HS3ST3A1: variants seen among roughly 807,000 people sequenced by gnomAD.
HS3ST3A1 encodes heparan sulfate-glucosamine 3-sulfotransferase 3A1, also known as heparan sulfate glucosamine 3-O-sulfotransferase 3A1.
HS3ST3A1 carries 19 observed loss-of-function variants against 25.7 expected under a neutral mutation model. The ratio of observed to expected loss-of-function variants is 0.74; its 90% CI spans 0.52 to 1.08. HS3ST3A1 has a LOEUF of 1.08. Ranked by LOEUF, HS3ST3A1 falls within the 50% of genes least tolerant of loss-of-function variation. The pLI, the probability that HS3ST3A1 is intolerant of heterozygous loss-of-function variation, is 0.00. For missense variants in HS3ST3A1, 459 were observed against 594.3 expected (o/e 0.77, Z 2.37); for synonymous variants, 226 against 278.6 (o/e 0.81, Z 1.88).
intron 1 of HS3ST3A1, among the ~76,000 whole-genome samples, chr17:13,544,144 A>C (rs1907015747): frequency 6.6e-6 from 1 of 152,254 alleles, no homozygotes; most frequent in South Asian, 2.1e-4. Context: ...CTTTCCATTC[A>C]TATGATGAAA....
intron 1 of HS3ST3A1, among the ~76,000 whole-genome samples, chr17:13,504,808 G>A (rs1036903101): frequency 3.9e-5 from 6 of 152,108 alleles, no homozygotes; most frequent in South Asian, 4.2e-4. Context: ...GGAGTCAGGC[G>A]TCCTCTCCAA....
chr17:13,557,716 T>C (rs1907419817), intron 1 of HS3ST3A1, among the ~76,000 whole-genome samples: 1 of 152,160 alleles, frequency 6.6e-6, no homozygotes, highest in South Asian at 2.1e-4. Context: ...TGAAGCCATC[T>C]CCTCTCAAGC....
chr17:13,515,591 C>T lies in HS3ST3A1; in HGVS notation c.600-18773G>A, dbSNP rs529723544. 4.1e-5 allele frequency among the ~76,000 whole-genome samples: 6 copies of T among 147,366 alleles called. No individual in the cohort carries two copies. The East Asian group carries it at 1.3e-3, about 31-fold the overall frequency. ...CAGTAACAGTTTTCAATGTTTATGA[C>T]TAGAACTGTTATTAACATTTTGCAG... On this transcript the variant is annotated intron_variant, in intron 1 of 1. Transcript: ENST00000284110.
At chr17:13,548,749 C>T (rs901863659) in intron 1 of HS3ST3A1, among the ~76,000 whole-genome samples, 14 of 152,106 alleles carry the variant, frequency 9.2e-5, no homozygotes, top group East Asian at 3.9e-4. Context: ...TCTGTAAAAA[C>T]GCACCAATCA....
Position 13,601,051 on chromosome 17 carries a change from G to T in HS3ST3A1, c.79C>A (p.Leu27Met). 6.3e-7 allele frequency: 1 copy of T among 1,599,630 alleles called. No individual in the cohort carries two copies. The highest frequency in any genetic ancestry group is 8.5e-7 in the Non-Finnish European group (1 of 1,173,738). ...GACGTGAGCAGGGAGCAGAGCATCA[G>T]CAAGAACTTCCGGAAGATGCTGCGG... is the stretch of plus-strand genomic sequence containing the variant. ...LSRSIFRKFL[L>M]MLCSLLTSLY... Residue 27 changes from leucine to methionine, a missense_variant, in exon 1 of 2, where the codon CTG becomes ATG. Leu to Met is a conservative substitution (Grantham distance 15). This residue lies in a region of HS3ST3A1 where 346 missense variants were observed against 303.9 expected (regional missense o/e 1.14). Coordinates refer to ENST00000284110, the MANE Select transcript of HS3ST3A1 (RefSeq NM_006042.3).
chr17:13,502,519 C>T (rs1381494537), intron 1 of HS3ST3A1, among the ~76,000 whole-genome samples: 1 of 152,174 alleles, frequency 6.6e-6, no homozygotes, highest in African/African-American at 2.4e-5. Context: ...GTGCCTCACT[C>T]TTCTTATCAA....
intron 1 of HS3ST3A1, among the ~76,000 whole-genome samples, chr17:13,558,790 A>G (rs1907449260): frequency 6.6e-6 from 1 of 152,248 alleles, no homozygotes; most frequent in Admixed American, 6.5e-5. Context: ...GCATCATCAA[A>G]TAAGCTAAAC....
chr17:13,601,308 C>G lies in HS3ST3A1; in HGVS notation c.-179G>C. The G allele has an allele frequency of 1.9e-6, 1 of 516,228 alleles. No homozygotes were observed. Among genetic ancestry groups the G allele is most frequent in the Non-Finnish European group, 3.3e-6 (1 of 301,454 alleles). 32.0% of individuals were successfully genotyped at this position (516,228 alleles called of 1,614,324 possible). A position where few individuals can be genotyped will look rare whatever the true frequency, so the allele number is the denominator to read the frequency against. ...CCGGGGCTCCGCGGGGAAACGGAAT[C>G]CCGGGGGCCCCGCGCAGGATCCCTG... On this transcript the variant is annotated 5_prime_UTR_variant, in exon 1 of 2. Transcript: ENST00000284110.
chr17:13,526,474 TTATATATATATATATATATA>T lies in HS3ST3A1; in HGVS notation c.600-29676_600-29657del, dbSNP rs58701744. Among the ~76,000 whole-genome samples, 45 of 76,296 alleles carry T rather than the reference TTATATATATATATATATATA, an allele frequency of 5.9e-4. 1 individual carries two copies. The highest frequency in any genetic ancestry group is 2.4e-3 in the South Asian group (5 of 2,126). The allele number at this position is 76,296 out of a possible 152,430, so 50.1% of individuals were successfully genotyped here. A position where few individuals can be genotyped will look rare whatever the true frequency, so the allele number is the denominator to read the frequency against. On this transcript the variant is annotated intron_variant, in intron 1 of 1. Coordinates refer to ENST00000284110, the MANE Select transcript of HS3ST3A1 (RefSeq NM_006042.3). ...TTGAACTTGGATACAACTTTAATTT[TTATATATATATATATATATA>T]TATATATATATATATATATATTATT... is the stretch of plus-strand genomic sequence containing the variant.
chr17:13,597,636 A>AT (rs558040311), intron 1 of HS3ST3A1, among the ~76,000 whole-genome samples: 8 of 152,078 alleles, frequency 5.3e-5, no homozygotes, highest in Non-Finnish European at 1.0e-4. Context: ...TGTTTTATTT[A>AT]TTTTAGAGAA....
intron 1 of HS3ST3A1, among the ~76,000 whole-genome samples, chr17:13,590,923 C>T (rs1908407028): frequency 6.6e-6 from 1 of 152,050 alleles, no homozygotes; most frequent in Admixed American, 6.5e-5. Context: ...GGGATCCCTA[C>T]AGTGCAAAAG....
intron 1 of HS3ST3A1, among the ~76,000 whole-genome samples, chr17:13,498,989 A>T (rs1052273221): frequency 6.7e-6 from 1 of 148,370 alleles, no homozygotes; most frequent in African/African-American, 2.5e-5. Flanking sequence ...CATTTCAGTC[A>T]GTTTATCTTT....
intron 1 of HS3ST3A1, among the ~76,000 whole-genome samples, chr17:13,591,337 G>A (rs538453671): frequency 3.0e-4 from 46 of 151,862 alleles, no homozygotes; most frequent in Admixed American, 9.8e-4. Context: ...ATGAGCCACC[G>A]CACCCAGCTC....
chr17:13,498,214 G>A (rs1408491646), intron 1 of HS3ST3A1, among the ~76,000 whole-genome samples: 1 of 152,062 alleles, frequency 6.6e-6, no homozygotes, highest in African/African-American at 2.4e-5. Flanking sequence ...ATTATTTCTA[G>A]CACAAATTCC....
chr17:13,592,318 A>G (rs549497590), intron 1 of HS3ST3A1, among the ~76,000 whole-genome samples: 1 of 152,372 alleles, frequency 6.6e-6, no homozygotes, highest in South Asian at 2.1e-4. Context: ...TATTAATAAC[A>G]TCAGACTACA....
rs1355770929 is a variant in HS3ST3A1 at position 13,600,541 on chromosome 17, C to A, written c.589G>T (p.Ala197Ser). Residue 197 changes from alanine (A) to serine (S), a missense_variant, in exon 1 of 2, where the codon GCC becomes TCC. Transcript: ENST00000284110. Reference sequence around the variant, plus strand: ...GCCCGCCCCGCTCACCGGTACCAGGCGAGGCCCTTGTCGTAGCTGCGGTCG... The same window carrying A: ...GCCCGCCCCGCTCACCGGTACCAGGAGAGGCCCTTGTCGTAGCTGCGGTCG... ...FFDRSYDKGLAWYRDLMPRTL... is the reference protein window; with the variant it reads ...FFDRSYDKGLSWYRDLMPRTL... 4 of 1,598,202 alleles carry A rather than the reference C, an allele frequency of 2.5e-6. No homozygotes were observed. Among genetic ancestry groups the A allele is most frequent in the East Asian group, 2.2e-5 (1 of 44,480 alleles).
intron 1 of HS3ST3A1, among the ~76,000 whole-genome samples, chr17:13,515,471 G>GTTTTTTTTTTTTTTT (rs33924561): frequency 9.3e-6 from 1 of 107,794 alleles, no homozygotes; most frequent in African/African-American, 3.6e-5. Context: ...GTTTGTTTCA[G>GTTTTTTTTTTTTTTT]TTTTTTTTTT....
chr17:13,552,070 A>G (rs1209421593), intron 1 of HS3ST3A1, among the ~76,000 whole-genome samples: 1 of 139,058 alleles, frequency 7.2e-6, no homozygotes, highest in Non-Finnish European at 1.6e-5. Context: ...TGGTTCTTGA[A>G]CACTTTATTT....
At chr17:13,593,233 CAAAA>C (rs5819419) in intron 1 of HS3ST3A1, among the ~76,000 whole-genome samples, 2 of 103,184 alleles carry the variant, frequency 1.9e-5, no homozygotes, top group Non-Finnish European at 3.9e-5. Flanking sequence ...TGTTTGTAGC[CAAAA>C]AAAAAAAAAA....
Sources: gnomAD v4.1 joint callset for allele counts (sites outside exome capture counted in the v4.1 genomes callset) on GRCh38, gnomAD v4.1.1 for gene constraint, gnomAD v4.1.1 regional missense constraint, MANE v1.5 for transcripts, NCBI Gene and HGNC (gene_info 2026-07-23, HGNC 2026-07-21) for gene names.